The following CLDN18 variants were observed in gnomAD, a reference collection of about 807,000 sequenced individuals.
CLDN18 encodes claudin-18.
CLDN18 carries 20 observed loss-of-function variants against 25.0 expected under a neutral mutation model. That is an observed-to-expected ratio of 0.80 (90% CI 0.56 to 1.16). CLDN18 has a LOEUF of 1.16. Among genes scored for constraint, CLDN18 ranks in the 50% most tolerant of loss-of-function variants. CLDN18 has a pLI of 0.00. For synonymous variants in CLDN18, 125 were observed against 135.6 expected (o/e 0.92, Z 0.54); for missense variants, 297 against 345.4 (o/e 0.86, Z 1.11).
chr3:138,028,244 T>C lies in CLDN18; in HGVS notation c.504-1553T>C, dbSNP rs1051653953. 2.0e-5 allele frequency among the ~76,000 whole-genome samples: 3 copies of C among 152,224 alleles called. No individual in the cohort carries two copies. In the South Asian group the frequency reaches 6.2e-4, roughly 32 times the overall value. Reference sequence around the variant, plus strand: ...CACACCTGGCTAATTTTTGTATTTTTAGTAGAGACGGGGCTTCACCATGCT... The same window carrying C: ...CACACCTGGCTAATTTTTGTATTTTCAGTAGAGACGGGGCTTCACCATGCT... On this transcript the variant is annotated intron_variant, in intron 3 of 4. Coordinates refer to ENST00000183605, the MANE Select transcript of CLDN18 (RefSeq NM_016369.4).
chr3:138,001,942 CTGAG>C (rs1354743172), intron 1 of CLDN18, among the ~76,000 whole-genome samples: 1 of 152,068 alleles, frequency 6.6e-6, no homozygotes, highest in East Asian at 1.9e-4. Context: ...TAAAATGTAA[CTGAG>C]TGTGAGAGAT....
intron 1 of CLDN18, among the ~76,000 whole-genome samples, chr3:138,003,994 A>G (rs541542015): frequency 2.6e-5 from 4 of 152,300 alleles, no homozygotes; most frequent in African/African-American, 9.6e-5. Context: ...CAACATGGTG[A>G]AACCCTGTCT....
intron 1 of CLDN18, among the ~76,000 whole-genome samples, chr3:137,999,906 C>T (rs1941997381): frequency 6.6e-6 from 1 of 152,138 alleles, no homozygotes; most frequent in South Asian, 2.1e-4. Flanking sequence ...GAGAGTAAGA[C>T]AATGAATAAA....
At chr3:138,028,860 G>A (rs1942356676) in intron 3 of CLDN18, among the ~76,000 whole-genome samples, 1 of 152,204 alleles carries the variant, frequency 6.6e-6, no homozygotes, top group Non-Finnish European at 1.5e-5. Context: ...TCTCTTGTGA[G>A]CTGGAACAGA....
upstream of CLDN18, chr3:138,010,042 A>G (rs921826620): frequency 4.8e-6 from 5 of 1,035,678 alleles, no homozygotes; most frequent in South Asian, 3.4e-5. Flanking sequence ...TAACAAATGT[A>G]AAAATAATGC....
Position 138,026,669 on chromosome 3 carries a change from G to C in CLDN18, c.503+1945G>C, listed in dbSNP as rs138143924. The stretch of plus-strand genomic sequence containing the variant: ...CAAAAAAACAAACAAAAAAAAATTA[G>C]AAGGGTTAAGGGCTGGTTTTCTCAG... On this transcript the variant is annotated intron_variant, in intron 3 of 4. Coordinates refer to ENST00000183605, the MANE Select transcript of CLDN18 (RefSeq NM_016369.4). Among the ~76,000 whole-genome samples, 273 of 152,162 alleles carry C rather than the reference G, an allele frequency of 1.8e-3. 1 individual carries two copies. Among genetic ancestry groups the C allele is most frequent in the Non-Finnish European group, 3.2e-3 (220 of 67,996 alleles).
At chr3:138,009,765 G>A (rs1942108784), upstream of CLDN18, among the ~76,000 whole-genome samples, 1 of 152,250 alleles carries the variant, frequency 6.6e-6, no homozygotes, top group Admixed American at 6.5e-5. Context: ...AGGAGAAAAT[G>A]TGAAAAGTCT....
chr3:138,018,803 C>T (rs1942239927), intron 1 of CLDN18, among the ~76,000 whole-genome samples: 1 of 152,176 alleles, frequency 6.6e-6, no homozygotes, highest in African/African-American at 2.4e-5. Context: ...AGGATAGAAA[C>T]CCACCTATGC....
chr3:138,013,245 C>T (rs980134024), intron 1 of CLDN18, among the ~76,000 whole-genome samples: 3 of 152,170 alleles, frequency 2.0e-5, no homozygotes, highest in African/African-American at 4.8e-5. Context: ...ACCTGGTCCT[C>T]CTCCTGCCTG....
intron 4 of CLDN18, 43 bp from the exon 5 acceptor site, chr3:138,030,927 A>T (rs769635313): frequency 1.3e-6 from 2 of 1,568,450 alleles, no homozygotes; most frequent in Non-Finnish European, 8.7e-7. Flanking sequence ...TGGTCCTACT[A>T]ACAAAGACAT....
At position 138,010,441 on chromosome 3, in the gene CLDN18, TC is replaced by T; in HGVS notation, c.218del (p.Pro73GlnfsTer10). ...GGCCCTATTTCACCATCCTGGGACTTCCAGGTAGGCACCGTGCACCCCGGGG... is the reference window on the plus strand; with the variant it reads ...GGCCCTATTTCACCATCCTGGGACTTCAGGTAGGCACCGTGCACCCCGGGG... ...CRPYFTILGL[P>X]AMLQAVRALM... On this transcript the variant is annotated frameshift_variant, in exon 1 of 5. Transcript: ENST00000183605. LOFTEE classifies it high-confidence loss of function. 2 of 1,614,148 alleles carry T rather than the reference TC, an allele frequency of 1.2e-6. No individual in the cohort carries two copies. The highest frequency in any genetic ancestry group is 1.3e-5 in the African/African-American group (1 of 75,062).
At chr3:138,008,643 A>C (rs1314661266), upstream of CLDN18, among the ~76,000 whole-genome samples, 1 of 151,202 alleles carries the variant, frequency 6.6e-6, no homozygotes, top group Non-Finnish European at 1.5e-5. Context: ...ATATATCTGG[A>C]AGCCAGGCAC....
At chr3:138,002,594 AATTT>A (rs1317611547) in intron 1 of CLDN18, among the ~76,000 whole-genome samples, 66 of 152,338 alleles carry the variant, frequency 4.3e-4, no homozygotes, top group African/African-American at 1.5e-3. Flanking sequence ...TTCTTGTTTT[AATTT>A]GTTTCTCATT....
At chr3:138,007,025 A>AT (rs762086351), upstream of CLDN18, among the ~76,000 whole-genome samples, 64 of 152,164 alleles carry the variant, frequency 4.2e-4, no homozygotes, top group African/African-American at 1.4e-3. Context: ...TTAATCAACA[A>AT]TTTTTTTATT....
chr3:138,023,960 T>C, intron 2 of CLDN18, 138 bp downstream of exon 2: 1 of 854,316 alleles, frequency 1.2e-6, no homozygotes, highest in Non-Finnish European at 1.8e-6. Flanking sequence ...AGTGTGGAGG[T>C]CCAATTGTGT....
In CLDN18 at chr3:138,024,678, A is replaced by G; in HGVS notation, c.457A>G (p.Asn153Asp). 1 of 1,613,682 alleles carries G rather than the reference A, an allele frequency of 6.2e-7. No homozygotes were observed. Among genetic ancestry groups the G allele is most frequent in the Non-Finnish European group, 8.5e-7 (1 of 1,179,588 alleles). The change falls in exon 3 of 5, where the codon AAC (asparagine) becomes GAC (aspartate). Residue 153 changes from asparagine to aspartate, a missense_variant. By Grantham distance (23) the Asn-to-Asp change is conservative. Transcript: ENST00000183605. ...GACTAACTTCTGGATGTCCACAGCT[A>G]ACATGTACACCGGCATGGGTGGGAT... ...LVTNFWMSTA[N>D]MYTGMGGMVQ...
intron 1 of CLDN18, among the ~76,000 whole-genome samples, chr3:138,018,562 T>C (rs923608152): frequency 6.6e-6 from 1 of 152,018 alleles, no homozygotes; most frequent in African/African-American, 2.4e-5. Flanking sequence ...GGTCTCGATC[T>C]CCTGACCTCG....
At chr3:138,024,402 T>C (rs1942302130) in intron 2 of CLDN18, among the ~76,000 whole-genome samples, 2 of 152,168 alleles carry the variant, frequency 1.3e-5, no homozygotes, top group Non-Finnish European at 2.9e-5. Context: ...TACACACACA[T>C]ATCCTTCCAC....
chr3:138,025,133 T>C (rs1942311872), intron 3 of CLDN18, among the ~76,000 whole-genome samples: 1 of 152,104 alleles, frequency 6.6e-6, no homozygotes, highest in Non-Finnish European at 1.5e-5. Context: ...GAAGTATGGG[T>C]GAGAAAAGTG....
Sources: gnomAD v4.1 joint callset for allele counts (sites outside exome capture counted in the v4.1 genomes callset) on GRCh38, gnomAD v4.1.1 for gene constraint, MANE v1.5 for transcripts, NCBI Gene and HGNC (gene_info 2026-07-23, HGNC 2026-07-21) for gene names.